The following ABCA12 variants were observed in gnomAD, a reference collection of about 807,000 sequenced individuals.
ABCA12 encodes the protein ATP binding cassette subfamily A member 12.
A neutral mutation model predicts 293.5 loss-of-function variants in ABCA12; 156 were observed. The observed-to-expected ratio is 0.53, with a 90% CI of 0.47 to 0.61. The LOEUF (loss-of-function observed/expected upper bound fraction) is 0.61. Among genes scored for constraint, ABCA12 ranks in the 20% least tolerant of loss-of-function variants. ABCA12 has a pLI of 0.00. For missense variants in ABCA12, 2,797 were observed against 3,090.2 expected, an observed-to-expected ratio of 0.91 and a Z score of 2.25; for synonymous variants, 1,063 against 1,108.0, an observed-to-expected ratio of 0.96 and a Z score of 0.81.
intron 36 of ABCA12, among the ~76,000 whole-genome samples, chr2:214,972,713 G>A (rs1699413996): frequency 6.6e-6 from 1 of 151,826 alleles, no homozygotes; most frequent in African/African-American, 2.4e-5. Context: ...AGATTTTTCA[G>A]ATTAATAAAA....
Position 215,019,434 on chromosome 2 carries a change from G to T in ABCA12, c.1559C>A (p.Ala520Glu). ...NLNMDQFLEQALQMNYLENIT... is the reference protein window; with the variant it reads ...NLNMDQFLEQELQMNYLENIT... ...ATTTTCCAAGTAATTCATTTGCAGTGCCTGTTCTAGAAACCTGGAACAAAA... is the reference window on the plus strand; with the variant it reads ...ATTTTCCAAGTAATTCATTTGCAGTTCCTGTTCTAGAAACCTGGAACAAAA... The change falls in exon 13 of 53, where the codon GCA becomes GAA. Residue 520 changes from alanine to glutamate, a missense_variant. Physicochemically the swap from Ala to Glu is moderately radical, Grantham distance 107 (BLOSUM62 -1). Around this residue, in one of 3 missense-constraint regions of ABCA12, gnomAD observed 656 missense variants for 638.2 expected, o/e 1.03. Coordinates refer to ENST00000272895, the MANE Select transcript of ABCA12 (RefSeq NM_173076.3). The T allele has an allele frequency of 6.2e-7, 1 of 1,613,622 alleles. No individual in the cohort carries two copies. Among genetic ancestry groups the T allele is most frequent in the South Asian group, 1.1e-5 (1 of 91,070 alleles).
At chr2:215,133,740 T>C (rs185429755) in intron 1 of ABCA12, among the ~76,000 whole-genome samples, 1 of 152,268 alleles carries the variant, frequency 6.6e-6, no homozygotes, top group Admixed American at 6.5e-5. Context: ...TCTTTGGCAA[T>C]ACAATTGAGA....
chr2:215,006,737 A>G (rs1172328836), intron 19 of ABCA12, among the ~76,000 whole-genome samples: 1 of 152,046 alleles, frequency 6.6e-6, no homozygotes, highest in East Asian at 1.9e-4. Flanking sequence ...CTAGGTTGTC[A>G]CCATTCCTGC....
intron 41 of ABCA12, among the ~76,000 whole-genome samples, chr2:214,957,817 A>G (rs992084689): frequency 6.6e-5 from 10 of 152,218 alleles, no homozygotes; most frequent in African/African-American, 2.2e-4. Flanking sequence ...AGCAGGGGCT[A>G]CTACTTCGCA....
intron 2 of ABCA12, among the ~76,000 whole-genome samples, chr2:215,092,898 C>G (rs1385467973): frequency 6.6e-6 from 1 of 152,210 alleles, no homozygotes; most frequent in Non-Finnish European, 1.5e-5. Context: ...TTCACTTGGA[C>G]TGACTCTGAC....
intron 29 of ABCA12, among the ~76,000 whole-genome samples, chr2:214,983,433 C>A (rs1288817817): frequency 6.6e-6 from 1 of 152,080 alleles, no homozygotes; most frequent in African/African-American, 2.4e-5. Context: ...ATGGGAGCCA[C>A]AGATGAAGAG....
In ABCA12 at chr2:215,138,209, C is replaced by T; in HGVS notation, c.-1G>A. On this transcript the variant is annotated 5_prime_UTR_variant, in exon 1 of 53. Coordinates refer to ENST00000272895, the MANE Select transcript of ABCA12 (RefSeq NM_173076.3). ...GAAGCTGATGAAACAGGGAAGCCAT[C>T]CTTCAAATGCCCCAAATGAGAGATT... 6.2e-7 allele frequency: 1 copy of T among 1,614,042 alleles called. No homozygotes were observed. Among genetic ancestry groups the T allele is most frequent in the Non-Finnish European group, 8.5e-7 (1 of 1,179,988 alleles).
rs541584560 is a variant in ABCA12 at position 215,020,221 on chromosome 2, A to T, written c.1288-425T>A. Among the ~76,000 whole-genome samples the T allele has an allele frequency of 2.1e-4, 32 of 152,250 alleles. No homozygotes were observed. In the South Asian group the frequency reaches 6.4e-3, roughly 31 times the overall value. The stretch of plus-strand genomic sequence containing the variant: ...TAAGATGACTACTATTTAAAAAAAA[A>T]AACAAAATAACAAGTGTTGGAGAAG... On this transcript the variant is annotated intron_variant, in intron 11 of 52. Transcript: ENST00000272895.
intron 6 of ABCA12, 85 bp downstream of exon 6, chr2:215,049,541 G>T: frequency 7.4e-7 from 1 of 1,344,110 alleles, no homozygotes; most frequent in African/African-American, 1.4e-5. Flanking sequence ...AAATATCCCA[G>T]TCAGCATTTC....
chr2:214,933,691 A>G (rs1698134082), intron 52 of ABCA12, among the ~76,000 whole-genome samples: 1 of 152,148 alleles, frequency 6.6e-6, no homozygotes, highest in Non-Finnish European at 1.5e-5. Context: ...CTGACACCAA[A>G]TTCTAATTAC....
chr2:214,980,605 C>T lies in ABCA12; in HGVS notation c.4618G>A (p.Ala1540Thr), dbSNP rs771394858. 6.2e-7 allele frequency: 1 copy of T among 1,614,078 alleles called. No homozygotes were observed. Among genetic ancestry groups the T allele is most frequent in the East Asian group, 2.2e-5 (1 of 44,870 alleles). ...GCGATGCGGTCACTCAGCACTTCAG[C>T]CTCGTCCAAGTGGTGCGTTGACAGA... ...IILSTHHLDEAEVLSDRIAFL... is the reference protein window; with the variant it reads ...IILSTHHLDETEVLSDRIAFL... Residue 1540 changes from alanine (A) to threonine (T), a missense_variant, in exon 31 of 53, where the codon GCT (alanine) becomes ACT (threonine). By Grantham distance (58) the Ala-to-Thr change is moderately conservative. Around this residue, in one of 3 missense-constraint regions of ABCA12, gnomAD observed 2,130 missense variants for 2,427.0 expected, o/e 0.88. Coordinates refer to ENST00000272895, the MANE Select transcript of ABCA12 (RefSeq NM_173076.3).
At chr2:215,033,012 T>G (rs1454916266) in intron 8 of ABCA12, among the ~76,000 whole-genome samples, 1 of 152,228 alleles carries the variant, frequency 6.6e-6, no homozygotes, top group Non-Finnish European at 1.5e-5. Context: ...GTCTGTCACC[T>G]GTATCAGTCA....
chr2:215,122,059 T>C (rs1023614788), intron 1 of ABCA12, among the ~76,000 whole-genome samples: 10 of 152,200 alleles, frequency 6.6e-5, no homozygotes, highest in Non-Finnish European at 1.3e-4. Context: ...TTTTGTGAAA[T>C]CCGTACTTAT....
At chr2:214,941,902 CTT>C (rs1698417841) in intron 50 of ABCA12, among the ~76,000 whole-genome samples, 2 of 152,036 alleles carry the variant, frequency 1.3e-5, no homozygotes, top group African/African-American at 4.8e-5. Context: ...GGTCTTGACT[CTT>C]TATCCAATTT....
At chr2:215,075,588 C>T (rs1701819066) in intron 2 of ABCA12, 3 of 698,504 alleles carry the variant, frequency 4.3e-6, no homozygotes, top group Non-Finnish European at 7.8e-6. Flanking sequence ...GCCATCCATC[C>T]ATCACAAGTG....
rs74584853 is a variant in ABCA12, at chr2:214,974,747, A to C, written c.5468+31T>G. 3.5e-3 allele frequency: 5,622 copies of C among 1,608,622 alleles called. 172 individuals are homozygous for C. The African/African-American group carries it at 0.064, about 18-fold the overall frequency. The stretch of plus-strand genomic sequence containing the variant: ...CACACACTCAAACTGGAATGCTGAA[A>C]ACAAAAAATAGAAGAGCAAGAACCA... On this transcript the variant is annotated intron_variant, in intron 35 of 52. Coordinates refer to ENST00000272895, the MANE Select transcript of ABCA12 (RefSeq NM_173076.3).
At chr2:215,134,601 A>C (rs4673942) in intron 1 of ABCA12, among the ~76,000 whole-genome samples, 26,462 of 74,530 alleles carry the variant, frequency 0.36, 5,010 homozygotes, top group East Asian at 0.44. Context: ...CTCTCTCTCT[A>C]TATATATATA....
At chr2:215,095,405 C>T (rs1212713952) in intron 2 of ABCA12, among the ~76,000 whole-genome samples, 6 of 152,152 alleles carry the variant, frequency 3.9e-5, no homozygotes, top group Non-Finnish European at 8.8e-5. Context: ...CCAATTCATA[C>T]AGAACCGCAT....
At chr2:215,022,935 T>C (rs1056095402) in intron 11 of ABCA12, 1 of 152,144 alleles carries the variant, frequency 6.6e-6, no homozygotes, top group African/African-American at 2.4e-5. Context: ...GAAGTTATTC[T>C]TCCCATCAAA....
Sources: allele counts gnomAD v4.1 joint callset (sites outside exome capture counted in the v4.1 genomes callset), GRCh38; gene constraint gnomAD v4.1.1; regional missense constraint gnomAD v4.1.1; transcripts MANE v1.5; gene names NCBI Gene and HGNC (gene_info 2026-07-23, HGNC 2026-07-21).